Variants in ADCK5 observed in about 807,000 individuals in gnomAD.
ADCK5 encodes the protein uncharacterized aarF domain-containing protein kinase 5.
Under a neutral mutation model 64.9 loss-of-function variants are expected in ADCK5, and 43 were observed. The ratio of observed to expected loss-of-function variants is 0.66; its 90% CI spans 0.52 to 0.85. The LOEUF (loss-of-function observed/expected upper bound fraction) is 0.85, where lower values mean the gene tolerates loss of function less well. Among genes scored for constraint, ADCK5 ranks in the 40% least tolerant of loss-of-function variants. The probability of loss-of-function intolerance (pLI) is 0.00; values close to 1 mark genes in which losing one functional copy is unlikely to be tolerated. For synonymous variants in ADCK5, 434 were observed against 342.8 expected, an observed-to-expected ratio of 1.27 and a Z score of -2.94; for missense variants, 760 against 810.5, an observed-to-expected ratio of 0.94 and a Z score of 0.76.
At chr8:144,383,520 T>C (rs1261365168) in intron 3 of ADCK5, among the ~76,000 whole-genome samples, 1 of 152,138 alleles carries the variant, frequency 6.6e-6, no homozygotes, top group Admixed American at 6.5e-5. Flanking sequence ...TTGGCCTTAG[T>C]GGGGAGGCGC....
rs782400904 is a variant in ADCK5, at chr8:144,392,099, G to A, written c.1104G>A (p.Val368=). The part of the protein sequence containing the change: ...HSDPHPGNVL[V]RKGPDGKAEL... ...AAGAGGCTGTATCCCTAGTTCTGGTGCGGAAAGGCCCGGACGGGAAAGCGG... is the reference window on the plus strand; with the variant it reads ...AAGAGGCTGTATCCCTAGTTCTGGTACGGAAAGGCCCGGACGGGAAAGCGG... Residue 368 remains valine (V), a synonymous_variant, in exon 11 of 15, where the codon GTG becomes GTA. Transcript: ENST00000308860. 1 of 1,612,168 alleles carries A rather than the reference G, an allele frequency of 6.2e-7. No homozygotes were observed. The highest frequency in any genetic ancestry group is 1.3e-5 in the African/African-American group (1 of 74,882).
chr8:144,374,022 C>A, upstream of ADCK5: 1 of 1,239,390 alleles, frequency 8.1e-7, no homozygotes, highest in Non-Finnish European at 1.0e-6. Flanking sequence ...CACTACGCGC[C>A]CTCCCGCAGG....
At chr8:144,381,083 A>G (rs1819602069) in intron 2 of ADCK5, among the ~76,000 whole-genome samples, 1 of 148,512 alleles carries the variant, frequency 6.7e-6, no homozygotes, top group Non-Finnish European at 1.5e-5. Context: ...CACCTGCTGC[A>G]CTAAGGATTA....
chr8:144,387,302 G>T (rs1819967135), intron 3 of ADCK5, among the ~76,000 whole-genome samples: 1 of 152,198 alleles, frequency 6.6e-6, no homozygotes, highest in Non-Finnish European at 1.5e-5. Context: ...GGGGGCACAT[G>T]ATTTCGGTTT....
intron 11 of ADCK5, 32 bp from the exon 12 acceptor site, chr8:144,392,222 G>A: frequency 6.5e-7 from 1 of 1,546,482 alleles, no homozygotes; most frequent in Non-Finnish European, 8.7e-7. Flanking sequence ...CTGCCGCAGG[G>A]AGCTCATGGC....
At chr8:144,389,794 T>C (rs1554860008) in intron 3 of ADCK5, among the ~76,000 whole-genome samples, 1 of 151,568 alleles carries the variant, frequency 6.6e-6, no homozygotes, top group Non-Finnish European at 1.5e-5. Flanking sequence ...CCTCCCAAAG[T>C]GCTGGGATCA....
rs1375421349 is a variant in ADCK5 at position 144,384,164 on chromosome 8, C to T, written c.266+934C>T. On this transcript the variant is annotated intron_variant, in intron 3 of 14. Coordinates refer to ENST00000308860, the MANE Select transcript of ADCK5 (RefSeq NM_174922.5). The surrounding 1 kb of genome is among the most constrained non-coding windows in gnomAD (Gnocchi z 5.7). Reference sequence around the variant, plus strand: ...TCCTGACCTCGTGATCCACCCGCCTCGGCCTCCCAAAGTGCTGGGATGACA... The same window carrying T: ...TCCTGACCTCGTGATCCACCCGCCTTGGCCTCCCAAAGTGCTGGGATGACA... 6.6e-5 allele frequency among the ~76,000 whole-genome samples: 10 copies of T among 152,052 alleles called. No homozygotes were observed. Among genetic ancestry groups the T allele is most frequent in the Non-Finnish European group, 1.5e-4 (10 of 67,996 alleles).
intron 12 of ADCK5, 31 bp from the exon 13 acceptor site, chr8:144,392,412 GCC>G: frequency 6.8e-7 from 1 of 1,475,036 alleles, no homozygotes; most frequent in Non-Finnish European, 9.0e-7. Flanking sequence ...CCCACTCAGA[GCC>G]CCCTCCCTCC....
In ADCK5 at chr8:144,390,904, GC is replaced by G. The variant is rs1820189333; in HGVS notation, c.392del (p.Ala131ValfsTer16). Reference protein sequence around the residue: ...EVMSACHQRAADALVAGAISN... With the variant: ...EVMSACHQRAXDALVAGAISN... ...GATGTCTGCGTGTCACCAGCGGGCG[GC>G]TGATGCCCTGGTGGCAGGGGCCATC... On this transcript the variant is annotated frameshift_variant, in exon 5 of 15. Coordinates refer to ENST00000308860, the MANE Select transcript of ADCK5 (RefSeq NM_174922.5). LOFTEE classifies it high-confidence loss of function. 6.2e-7 allele frequency: 1 copy of G among 1,612,708 alleles called. No individual in the cohort carries two copies. The highest frequency in any genetic ancestry group is 1.3e-5 in the African/African-American group (1 of 74,924).
chr8:144,383,635 G>A (rs1198838515), intron 3 of ADCK5, among the ~76,000 whole-genome samples: 2 of 152,230 alleles, frequency 1.3e-5, no homozygotes, highest in African/African-American at 4.8e-5. Flanking sequence ...TTGGGCCTGG[G>A]AGAGGAGGCT....
intron 1 of ADCK5, among the ~76,000 whole-genome samples, chr8:144,374,874 C>T (rs963424108): frequency 6.6e-6 from 1 of 152,240 alleles, no homozygotes; most frequent in South Asian, 2.1e-4. Context: ...TTGCTCTGTC[C>T]CTGCGGTTAG....
chr8:144,391,733 G>T, intron 8 of ADCK5, 22 bp downstream of exon 8: 1 of 1,538,554 alleles, frequency 6.5e-7, no homozygotes, highest in Non-Finnish European at 8.7e-7. Context: ...CAGGCCCTTG[G>T]GGTGGGCACA....
At chr8:144,380,271 G>A (rs1484606995) in intron 2 of ADCK5, among the ~76,000 whole-genome samples, 5 of 151,356 alleles carry the variant, frequency 3.3e-5, no homozygotes, top group Admixed American at 1.3e-4. Context: ...GGCACCTCCC[G>A]CAGTCAGAAT....
At chr8:144,389,201 TG>T in intron 3 of ADCK5, 1 of 453,694 alleles carries the variant, frequency 2.2e-6, no homozygotes, top group East Asian at 7.0e-5. Context: ...GCCCAGTACC[TG>T]CTCAACAGAT....
intron 3 of ADCK5, among the ~76,000 whole-genome samples, chr8:144,386,768 A>G (rs1159212503): frequency 1.3e-5 from 2 of 152,156 alleles, no homozygotes; most frequent in Non-Finnish European, 2.9e-5. Context: ...TCCCGCTCCC[A>G]TCCCCGTGGG....
At chr8:144,375,707 C>T (rs4407919) in intron 1 of ADCK5, 65,325 of 964,876 alleles carry the variant, frequency 0.068, 2,517 homozygotes, top group Non-Finnish European at 0.075. Flanking sequence ...CACTCTGGAA[C>T]GGGAGGTGTT....
chr8:144,381,104 G>A (rs1819604794), intron 2 of ADCK5, among the ~76,000 whole-genome samples: 4 of 148,914 alleles, frequency 2.7e-5, no homozygotes, highest in East Asian at 4.1e-4. Flanking sequence ...TGGGCCGGGT[G>A]TAGAAACAGA....
chr8:144,387,291 C>CG (rs1412903239), intron 3 of ADCK5, among the ~76,000 whole-genome samples: 2 of 152,122 alleles, frequency 1.3e-5, no homozygotes, highest in African/African-American at 4.8e-5. Context: ...TCTGTCCTGC[C>CG]GGGGGCACAT....
At chr8:144,381,096 G>T (rs1220263920) in intron 2 of ADCK5, among the ~76,000 whole-genome samples, 48 of 132,102 alleles carry the variant, frequency 3.6e-4, no homozygotes, top group African/African-American at 1.3e-3. Flanking sequence ...AAGGATTATG[G>T]GCCGGGTGTA....
Sources: gnomAD v4.1 joint callset for allele counts (sites outside exome capture counted in the v4.1 genomes callset) on GRCh38, gnomAD v4.1.1 for gene constraint, Gnocchi (gnomAD v3.1) non-coding constraint, MANE v1.5 for transcripts, NCBI Gene and HGNC (gene_info 2026-07-23, HGNC 2026-07-21) for gene names.